Variants in NSMAF observed in about 807,000 individuals in gnomAD.
The protein encoded by NSMAF is protein FAN.
In NSMAF, 90 loss-of-function variants were observed where a neutral mutation model predicts 134.9. The observed-to-expected ratio is 0.67, with a 90% CI of 0.56 to 0.79. NSMAF has a LOEUF of 0.79. NSMAF is among the 30% of genes least tolerant of loss of function. The pLI, the probability that NSMAF is intolerant of heterozygous loss-of-function variation, is 0.00. For synonymous variants in NSMAF, 358 were observed against 389.6 expected, an observed-to-expected ratio of 0.92 and a Z score of 0.96; for missense variants, 1,010 against 1,119.0, an observed-to-expected ratio of 0.90 and a Z score of 1.39.
rs1806836265 is a variant in NSMAF, at chr8:58,623,361, T to C, written c.504+16A>G. On this transcript the variant is annotated intron_variant, in intron 8 of 30. Transcript: ENST00000038176. ...TTAATTGACAATCAAAGACAGACAT[T>C]GTTAAGAATACTTACCATGGCGGTT... The C allele has an allele frequency of 6.2e-7, 1 of 1,613,108 alleles. No individual in the cohort carries two copies. Among genetic ancestry groups the C allele is most frequent in the South Asian group, 1.1e-5 (1 of 90,942 alleles).
intron 9 of NSMAF, among the ~76,000 whole-genome samples, chr8:58,613,562 C>CA (rs552677620): frequency 0.014 from 1,997 of 144,582 alleles, 25 homozygotes; most frequent in Non-Finnish European, 0.022. Context: ...AGCAGAGGAA[C>CA]AAAAAAAAAA....
At chr8:58,597,815 ATATCT>A (rs756858054) in intron 20 of NSMAF, 40 bp downstream of exon 20, 2 of 1,291,740 alleles carry the variant, frequency 1.5e-6, no homozygotes, top group Non-Finnish European at 1.1e-6. Context: ...AGATAAAGAC[ATATCT>A]TATAACTCAA....
Position 58,585,564 on chromosome 8 carries a change from CAA to C in NSMAF, c.2659+86_2659+87del, listed in dbSNP as rs146594730. 5,725 of 994,964 alleles carry C rather than the reference CAA, an allele frequency of 5.8e-3. 195 individuals are homozygous for C. In the African/African-American group the frequency reaches 0.082, roughly 14 times the overall value. 61.6% of individuals were successfully genotyped at this position (994,964 alleles called of 1,614,324 possible). On this transcript the variant is annotated intron_variant, in intron 30 of 30. Coordinates refer to ENST00000038176, the MANE Select transcript of NSMAF (RefSeq NM_003580.4). ...GGAAAAACCATGGGTGTTTTTTGCCCAAAAAGAGTATGTTCCCTGATGGAAAA... is the reference window on the plus strand; with the variant it reads ...GGAAAAACCATGGGTGTTTTTTGCCCAAAGAGTATGTTCCCTGATGGAAAA...
chr8:58,643,902 T>C (rs1807388414), intron 1 of NSMAF, among the ~76,000 whole-genome samples: 1 of 152,172 alleles, frequency 6.6e-6, no homozygotes, highest in South Asian at 2.1e-4. Flanking sequence ...ATAAGTAAAA[T>C]GAGTAAACCA....
chr8:58,585,675 C>T lies in NSMAF; in HGVS notation c.2636G>A (p.Ser879Asn). The change falls in exon 30 of 31, where the codon AGT (serine) becomes AAT (asparagine). Residue 879 changes from serine (S) to asparagine (N), a missense_variant. Coordinates refer to ENST00000038176, the MANE Select transcript of NSMAF (RefSeq NM_003580.4). ...ACCTGTGTGGCCCTGTATTCTCTCACTGATTTTTGCTCCAAGGAGGTCCCA... is the reference window on the plus strand; with the variant it reads ...ACCTGTGTGGCCCTGTATTCTCTCATTGATTTTTGCTCCAAGGAGGTCCCA... ...LVWDLLGAKI[S>N]ERIQGHTGAV... 1 of 1,614,002 alleles carries T rather than the reference C, an allele frequency of 6.2e-7. No homozygotes were observed. Among genetic ancestry groups the T allele is most frequent in the Non-Finnish European group, 8.5e-7 (1 of 1,179,872 alleles).
intron 23 of NSMAF, among the ~76,000 whole-genome samples, chr8:58,593,657 G>A (rs1344932668): frequency 1.3e-5 from 2 of 152,186 alleles, no homozygotes; most frequent in African/African-American, 4.8e-5. Flanking sequence ...CTACCAGGGA[G>A]AGAACAATGG....
At position 58,584,020 on chromosome 8, in the gene NSMAF, T is replaced by G. The variant is rs898835304; in HGVS notation, c.*86A>C. 8.8e-6 allele frequency: 9 copies of G among 1,028,018 alleles called. No homozygotes were observed. In the African/African-American group the frequency reaches 1.3e-4, roughly 14 times the overall value. 63.7% of individuals were successfully genotyped at this position (1,028,018 alleles called of 1,614,324 possible). On this transcript the variant is annotated 3_prime_UTR_variant, in exon 31 of 31. Coordinates refer to ENST00000038176, the MANE Select transcript of NSMAF (RefSeq NM_003580.4). ...GTGGTAAAACTTCTAATTACTAACA[T>G]TGCACATTCACCAGTCCGTTTAAAA...
intron 1 of NSMAF, 116 bp from the exon 2 acceptor site, chr8:58,643,189 T>C: frequency 1.3e-6 from 1 of 754,110 alleles, no homozygotes; most frequent in Non-Finnish European, 2.3e-6. Flanking sequence ...TAACAAACAT[T>C]TATGAAGCAT....
chr8:58,658,735 A>C (rs1377070642), intron 1 of NSMAF, among the ~76,000 whole-genome samples: 1 of 152,176 alleles, frequency 6.6e-6, no homozygotes, highest in African/African-American at 2.4e-5. Flanking sequence ...TGCCCTGGGA[A>C]CTATACATAG....
chr8:58,585,991 T>C lies in NSMAF; in HGVS notation c.2456A>G (p.His819Arg), dbSNP rs1805876705. ...CDTAFSPDSRHVLSTGTDGCL... is the reference protein window; with the variant it reads ...CDTAFSPDSRRVLSTGTDGCL... Reference sequence around the variant, plus strand: ...GCCATCTGTTCCTGTGCTGAGGACATGGCGACTATCTGCAACACAAGGTGA... The same window carrying C: ...GCCATCTGTTCCTGTGCTGAGGACACGGCGACTATCTGCAACACAAGGTGA... The change falls in exon 29 of 31, where the codon CAT (histidine) becomes CGT (arginine). Residue 819 changes from histidine (H) to arginine (R), a missense_variant. His to Arg is a conservative substitution (Grantham distance 29). Coordinates refer to ENST00000038176, the MANE Select transcript of NSMAF (RefSeq NM_003580.4). 1 of 1,613,510 alleles carries C rather than the reference T, an allele frequency of 6.2e-7. No individual in the cohort carries two copies. Among genetic ancestry groups the C allele is most frequent in the Non-Finnish European group, 8.5e-7 (1 of 1,179,556 alleles).
At chr8:58,616,221 A>G (rs943531155) in intron 9 of NSMAF, among the ~76,000 whole-genome samples, 2 of 152,164 alleles carry the variant, frequency 1.3e-5, no homozygotes, top group African/African-American at 4.8e-5. Context: ...CAACAATCCT[A>G]CACAAACTTT....
rs770579129 is a variant in NSMAF, at chr8:58,602,049, T to C, written c.1125+9A>G. Reference sequence around the variant, plus strand: ...TGCTTAGAAACCAAGAATCTCTAAGTCCACATACCAGTAGTCTCTCCAGCC... The same window carrying C: ...TGCTTAGAAACCAAGAATCTCTAAGCCCACATACCAGTAGTCTCTCCAGCC... On this transcript the variant is annotated intron_variant, in intron 14 of 30. Transcript: ENST00000038176. 1.9e-6 allele frequency: 3 copies of C among 1,604,910 alleles called. No individual in the cohort carries two copies. Among genetic ancestry groups the C allele is most frequent in the East Asian group, 2.2e-5 (1 of 44,774 alleles).
In NSMAF at chr8:58,659,751, G is replaced by T; in HGVS notation, c.-120C>A. On this transcript the variant is annotated 5_prime_UTR_variant, in exon 1 of 31. Transcript: ENST00000038176. ...GCCGGCTGGGGAGCGCGCGGCTGCC[G>T]GCCTGGCTTCCCCTGCGGCGCCGCT... 2 of 764,480 alleles carry T rather than the reference G, an allele frequency of 2.6e-6. No homozygotes were observed. Among genetic ancestry groups the T allele is most frequent in the Non-Finnish European group, 3.5e-6 (2 of 568,282 alleles). The allele number at this position is 764,480 out of a possible 1,614,324, so 47.4% of individuals were successfully genotyped here.
intron 1 of NSMAF, among the ~76,000 whole-genome samples, chr8:58,644,480 G>A (rs1303826504): frequency 1.3e-5 from 2 of 152,168 alleles, no homozygotes; most frequent in African/African-American, 2.4e-5. Context: ...TGCTAGAGAC[G>A]ATGTGGAGAA....
At chr8:58,631,373 G>A (rs1244233107) in intron 6 of NSMAF, 123 bp downstream of exon 6, 4 of 492,114 alleles carry the variant, frequency 8.1e-6, no homozygotes, top group Admixed American at 4.3e-5. Flanking sequence ...ATAACTTCCA[G>A]GTAAGAAGCT....
At position 58,589,434 on chromosome 8, in the gene NSMAF, T is replaced by C; in HGVS notation, c.2211+18A>G. Reference sequence around the variant, plus strand: ...ATAGCACACCAAGTTAAAAAAACTTTTTAAATTATATATGAACCTTCACTG... The same window carrying C: ...ATAGCACACCAAGTTAAAAAAACTTCTTAAATTATATATGAACCTTCACTG... On this transcript the variant is annotated intron_variant, in intron 26 of 30. Transcript: ENST00000038176. 1 of 1,432,450 alleles carries C rather than the reference T, an allele frequency of 7.0e-7. No homozygotes were observed. The highest frequency in any genetic ancestry group is 2.7e-5 in the East Asian group (1 of 36,906). The allele number at this position is 1,432,450 out of a possible 1,614,324, so 88.7% of individuals were successfully genotyped here.
chr8:58,638,055 T>C (rs1234435171), intron 2 of NSMAF, among the ~76,000 whole-genome samples: 2 of 152,218 alleles, frequency 1.3e-5, no homozygotes, highest in Non-Finnish European at 2.9e-5. Context: ...CAATCTGTTT[T>C]GTTTCATTTT....
chr8:58,631,396 T>C (rs1807054940), intron 6 of NSMAF, 100 bp downstream of exon 6: 1 of 625,166 alleles, frequency 1.6e-6, no homozygotes, highest in Non-Finnish European at 2.7e-6. Flanking sequence ...TAAATACTCA[T>C]TATTATTATA....
rs769994066 is a variant in NSMAF at position 58,586,562 on chromosome 8, C to T, written c.2342G>A (p.Gly781Asp). 1 of 1,613,938 alleles carries T rather than the reference C, an allele frequency of 6.2e-7. No individual in the cohort carries two copies. Among genetic ancestry groups the T allele is most frequent in the Non-Finnish European group, 8.5e-7 (1 of 1,179,914 alleles). ...LNAASTLLVS[G>D]TKEGTVNIWD... ...AATATTCACTGTGCCTTCTTTGGTGCCGGAAACTAACAGTGTGCTTGCAGC... is the reference window on the plus strand; with the variant it reads ...AATATTCACTGTGCCTTCTTTGGTGTCGGAAACTAACAGTGTGCTTGCAGC... The change falls in exon 28 of 31, where the codon GGC becomes GAC. Residue 781 changes from glycine (G) to aspartate (D), a missense_variant. Transcript: ENST00000038176.
Sources: gnomAD v4.1 joint callset for allele counts (sites outside exome capture counted in the v4.1 genomes callset) on GRCh38, gnomAD v4.1.1 for gene constraint, MANE v1.5 for transcripts, NCBI Gene and HGNC (gene_info 2026-07-23, HGNC 2026-07-21) for gene names.